The following TRPC5 variants were observed in gnomAD, a reference collection of about 807,000 sequenced individuals.
TRPC5 encodes short transient receptor potential channel 5.
TRPC5 carries 9 observed loss-of-function variants against 56.5 expected under a neutral mutation model. The observed-to-expected ratio is 0.16, with a 90% CI of 0.10 to 0.28. The LOEUF is 0.28. TRPC5 is among the 10% of genes least tolerant of loss of function. TRPC5 has a pLI of 1.00. For missense variants in TRPC5, 469 were observed against 748.9 expected (o/e 0.63, Z 4.36); for synonymous variants, 282 against 278.5 (o/e 1.01, Z -0.13).
At chrX:111,958,301 A>AT (rs1927287959) in intron 1 of TRPC5, among the ~76,000 whole-genome samples, 2 of 111,116 alleles carry the variant, frequency 1.8e-5, no homozygotes, top group African/African-American at 3.3e-5. Flanking sequence ...TTCCATCTAC[A>AT]TTTTTTTCAA....
At chrX:111,864,082 G>T (rs1923478713) in intron 3 of TRPC5, among the ~76,000 whole-genome samples, 1 of 111,118 alleles carries the variant, frequency 9.0e-6, no homozygotes, top group African/African-American at 3.3e-5. Flanking sequence ...CGCCTCCCAG[G>T]TTCACGCCAT....
chrX:111,962,985 G>A (rs1210682071), intron 1 of TRPC5, among the ~76,000 whole-genome samples: 1 of 111,842 alleles, frequency 8.9e-6, no homozygotes, highest in Non-Finnish European at 1.9e-5. Flanking sequence ...GAGCAGAACA[G>A]TGGGTGCAGC....
At chrX:111,965,770 A>C (rs1165485110) in intron 1 of TRPC5, among the ~76,000 whole-genome samples, 1 of 111,951 alleles carries the variant, frequency 8.9e-6, no homozygotes, top group African/African-American at 3.2e-5. Flanking sequence ...TGTTCTTTGA[A>C]TCCAACGAGA....
intron 2 of TRPC5, among the ~76,000 whole-genome samples, chrX:111,949,083 G>C (rs931527699): frequency 2.7e-5 from 3 of 111,917 alleles, no homozygotes; most frequent in South Asian, 3.7e-4. Context: ...AACATAAAGT[G>C]GGGGAAGGAC....
At position 111,890,642 on chromosome X, in the gene TRPC5, A is replaced by G. The variant is rs755408625; in HGVS notation, c.900+21649T>C. On this transcript the variant is annotated intron_variant, in intron 3 of 10. Transcript: ENST00000262839. ...CTAGTGATGTGGAGGTTCCCAGAGCATCATTAGTCAGACCAGGAGTCTGAA... is the reference window on the plus strand; with the variant it reads ...CTAGTGATGTGGAGGTTCCCAGAGCGTCATTAGTCAGACCAGGAGTCTGAA... Among the ~76,000 whole-genome samples, 3 of 112,068 alleles carry G rather than the reference A, an allele frequency of 2.7e-5. No individual in the cohort carries two copies. In the Admixed American group the frequency reaches 2.8e-4, roughly 11 times the overall value.
At chrX:111,811,292 A>AT (rs1921697941) in intron 7 of TRPC5, among the ~76,000 whole-genome samples, 1 of 113,093 alleles carries the variant, frequency 8.8e-6, no homozygotes, top group African/African-American at 3.2e-5. Flanking sequence ...GTAAGGAGAT[A>AT]TATAGATTTT....
At chrX:111,885,557 T>TA (rs77870285) in intron 3 of TRPC5, among the ~76,000 whole-genome samples, 17 of 106,186 alleles carry the variant, frequency 1.6e-4, no homozygotes, top group Admixed American at 3.0e-4. Context: ...TTTTTTTTTT[T>TA]AAAAAAAGAA....
At chrX:112,055,330 C>T (rs766681694) in intron 1 of TRPC5, among the ~76,000 whole-genome samples, 1 of 111,644 alleles carries the variant, frequency 9.0e-6, no homozygotes, top group South Asian at 3.7e-4. Flanking sequence ...CAAAACAGCA[C>T]AATTCCAATT....
intron 1 of TRPC5, among the ~76,000 whole-genome samples, chrX:111,982,153 A>G (rs146621753): frequency 6.8e-4 from 76 of 112,224 alleles, no homozygotes; most frequent in African/African-American, 2.3e-3. Context: ...AGCCTGCGGA[A>G]CTGTGAGTCA....
chrX:111,949,299 AC>A (rs2148637166), intron 2 of TRPC5, among the ~76,000 whole-genome samples: 1 of 112,395 alleles, frequency 8.9e-6, no homozygotes, highest in East Asian at 2.8e-4. Flanking sequence ...ATGACCAAGA[AC>A]CCAAAAGCAA....
chrX:111,789,113 C>A (rs1945995830), intron 7 of TRPC5, among the ~76,000 whole-genome samples: 1 of 111,999 alleles, frequency 8.9e-6, no homozygotes, highest in African/African-American at 3.2e-5. Flanking sequence ...CCAAAACAAT[C>A]CTAAGCAAAA....
At chrX:111,970,623 C>T (rs913943061) in intron 1 of TRPC5, among the ~76,000 whole-genome samples, 2 of 111,404 alleles carry the variant, frequency 1.8e-5, no homozygotes, top group African/African-American at 6.5e-5. Context: ...AAGAGAAAAA[C>T]TTATCAGGGA....
intron 3 of TRPC5, among the ~76,000 whole-genome samples, chrX:111,901,001 A>C (rs1223090374): frequency 9.0e-6 from 1 of 111,607 alleles, no homozygotes; most frequent in Non-Finnish European, 1.9e-5. Flanking sequence ...GCTTTAGATA[A>C]AGTTGGAAGA....
intron 3 of TRPC5, among the ~76,000 whole-genome samples, chrX:111,893,973 G>A (rs1278239197): frequency 1.8e-5 from 2 of 111,759 alleles, no homozygotes; most frequent in Non-Finnish European, 3.8e-5. Flanking sequence ...TCCTCAAGGG[G>A]TGAAGAGGGT....
rs186682552 is a variant in TRPC5, at chrX:111,894,829, A to T, written c.900+17462T>A. Among the ~76,000 whole-genome samples, 145 of 111,945 alleles carry T rather than the reference A, an allele frequency of 1.3e-3. 2 individuals are homozygous for T. Among genetic ancestry groups the T allele is most frequent in the African/African-American group, 4.3e-3 (134 of 30,829 alleles). Reference sequence around the variant, plus strand: ...TTTTAACATATGTGATTATATCAAGATATAGAACATTACCAGCACCCCAGA... The same window carrying T: ...TTTTAACATATGTGATTATATCAAGTTATAGAACATTACCAGCACCCCAGA... On this transcript the variant is annotated intron_variant, in intron 3 of 10. Transcript: ENST00000262839.
intron 2 of TRPC5, among the ~76,000 whole-genome samples, chrX:111,950,135 T>A (rs759368920): frequency 1.8e-5 from 2 of 111,053 alleles, no homozygotes; most frequent in South Asian, 3.8e-4. Flanking sequence ...ACATCCTGGC[T>A]AACACAGTGA....
intron 1 of TRPC5, among the ~76,000 whole-genome samples, chrX:112,076,773 C>A (rs774462176): frequency 8.9e-6 from 1 of 111,920 alleles, no homozygotes; most frequent in East Asian, 2.8e-4. Flanking sequence ...TGACTTCAGT[C>A]TTCTTCCATG....
In TRPC5 at chrX:111,992,448, C is replaced by T. The variant is rs143965340; in HGVS notation, c.-21-40007G>A. Among the ~76,000 whole-genome samples, 1,100 of 111,396 alleles carry T rather than the reference C, an allele frequency of 9.9e-3. 8 individuals carry two copies. The highest frequency in any genetic ancestry group is 0.034 in the African/African-American group (1,044 of 30,613). ...AAATTATCATATGGCATAATTTCTA[C>T]CTTAACCCCAGTGGCTAAGATAACT... is the stretch of plus-strand genomic sequence containing the variant. On this transcript the variant is annotated intron_variant, in intron 1 of 10. Transcript: ENST00000262839.
rs778507700 is a variant in TRPC5 at position 112,027,328 on chromosome X, G to A, written c.-22+54551C>T. ...TGTGCATGATTGGGAAGTTCTGTAA[G>A]TTTAGTTATGCTTCATCTTTCAAAA... On this transcript the variant is annotated intron_variant, in intron 1 of 10. Coordinates refer to ENST00000262839, the MANE Select transcript of TRPC5 (RefSeq NM_012471.3). Among the ~76,000 whole-genome samples, 10 of 111,785 alleles carry A rather than the reference G, an allele frequency of 8.9e-5. No homozygotes were observed. The South Asian group carries it at 1.9e-3, about 21-fold the overall frequency.
Sources: gnomAD v4.1 joint callset for allele counts (sites outside exome capture counted in the v4.1 genomes callset) on GRCh38, gnomAD v4.1.1 for gene constraint, MANE v1.5 for transcripts, NCBI Gene and HGNC (gene_info 2026-07-23, HGNC 2026-07-21) for gene names.